Variants in ACAD9 observed in about 807,000 individuals in gnomAD.
The protein encoded by ACAD9 is complex I assembly factor ACAD9, mitochondrial.
In ACAD9, 53 loss-of-function variants were observed where a neutral mutation model predicts 70.2. The ratio of observed to expected loss-of-function variants is 0.75; its 90% CI spans 0.61 to 0.95. ACAD9 has a LOEUF of 0.95. Among genes scored for constraint, ACAD9 ranks in the 40% least tolerant of loss-of-function variants. The pLI, the probability that ACAD9 is intolerant of heterozygous loss-of-function variation, is 0.00. For missense variants in ACAD9, 777 were observed against 802.8 expected (o/e 0.97, Z 0.39); for synonymous variants, 313 against 312.1 (o/e 1.00, Z -0.03).
intron 17 of ACAD9, 98 bp from the exon 18 acceptor site, chr3:128,912,409 G>A (rs1936434045): frequency 9.6e-7 from 1 of 1,036,550 alleles, no homozygotes; most frequent in Middle Eastern, 2.0e-4. Context: ...GCTTCATGGT[G>A]GGTGGGCTGA....
At chr3:128,900,284 C>G (rs969564561) in intron 7 of ACAD9, among the ~76,000 whole-genome samples, 10 of 152,250 alleles carry the variant, frequency 6.6e-5, no homozygotes, top group Admixed American at 6.5e-4. Flanking sequence ...GTCGCCCAGG[C>G]TGGAGTGCAG....
chr3:128,901,682 C>T (rs747300920), intron 8 of ACAD9, among the ~76,000 whole-genome samples: 15 of 152,208 alleles, frequency 9.9e-5, no homozygotes, highest in Non-Finnish European at 1.6e-4. Context: ...TGGTCTGCAT[C>T]GCTGCCCTAC....
At position 128,911,691 on chromosome 3, in the gene ACAD9, C is replaced by T. The variant is rs540945298; in HGVS notation, c.1766-816C>T. Among the ~76,000 whole-genome samples, 53 of 152,350 alleles carry T rather than the reference C, an allele frequency of 3.5e-4. No individual in the cohort carries two copies. In the South Asian group the frequency reaches 0.011, roughly 32 times the overall value. ...CCCTGACCTCAGGTGATCCGCCCAC[C>T]TTGGCCTCCCAAAGTGCTGGGATTA... On this transcript the variant is annotated intron_variant, in intron 17 of 17. Transcript: ENST00000308982.
intron 12 of ACAD9, among the ~76,000 whole-genome samples, chr3:128,906,600 G>A (rs1935899102): frequency 6.6e-6 from 1 of 152,208 alleles, no homozygotes; most frequent in Non-Finnish European, 1.5e-5. Flanking sequence ...GTTTTGTGAA[G>A]CATGCGCTCC....
rs1316628221 is a variant in ACAD9, at chr3:128,895,316, T to C, written c.353T>C (p.Leu118Pro). ...GLQVPEEYGGLGFSNTMYSRL... is the reference protein window; with the variant it reads ...GLQVPEEYGGPGFSNTMYSRL... ...GCTGGTCCATCTCTCCTAGGTGGCC[T>C]GGGCTTCTCCAACACCATGTACTCA... The change falls in exon 4 of 18, where the codon CTG becomes CCG. Residue 118 changes from leucine (L) to proline (P), a missense_variant. Leu to Pro is a moderately conservative substitution (Grantham distance 98, BLOSUM62 -3). Transcript: ENST00000308982. 2 of 1,611,416 alleles carry C rather than the reference T, an allele frequency of 1.2e-6. No homozygotes were observed. The highest frequency in any genetic ancestry group is 1.7e-6 in the Non-Finnish European group (2 of 1,178,902).
At position 128,902,771 on chromosome 3, in the gene ACAD9, T is replaced by G; in HGVS notation, c.958+143T>G. On this transcript the variant is annotated intron_variant, in intron 9 of 17. Coordinates refer to ENST00000308982, the MANE Select transcript of ACAD9 (RefSeq NM_014049.5). This position sits in a 1 kb window ranked among gnomAD's most constrained non-coding sequence, Gnocchi z 4.0. ...CCTGAGCTCAGTCCCTGGGCTTTTGTGGAGACCAGAGGGTCTCCTCAGCCT... is the reference window on the plus strand; with the variant it reads ...CCTGAGCTCAGTCCCTGGGCTTTTGGGGAGACCAGAGGGTCTCCTCAGCCT... 5 of 943,508 alleles carry G rather than the reference T, an allele frequency of 5.3e-6. No individual in the cohort carries two copies. Among genetic ancestry groups the G allele is most frequent in the Non-Finnish European group, 8.4e-6 (5 of 597,760 alleles). 58.4% of individuals were successfully genotyped at this position (943,508 alleles called of 1,614,324 possible).
At chr3:128,910,634 G>A in intron 16 of ACAD9, 107 bp from the exon 17 acceptor site, 1 of 1,234,058 alleles carries the variant, frequency 8.1e-7, no homozygotes, top group Non-Finnish European at 1.2e-6. Context: ...GCCAGGCCTT[G>A]TGACCCCTGC....
At chr3:128,908,905 G>A (rs1936006028) in intron 13 of ACAD9, 68 bp from the exon 14 acceptor site, 2 of 1,612,702 alleles carry the variant, frequency 1.2e-6, no homozygotes, top group Non-Finnish European at 1.7e-6. Flanking sequence ...GTGCCGAATG[G>A]GCCATGTTGC....
intron 6 of ACAD9, among the ~76,000 whole-genome samples, chr3:128,898,118 A>G (rs767445556): frequency 3.3e-5 from 5 of 152,118 alleles, no homozygotes; most frequent in Non-Finnish European, 7.4e-5. Flanking sequence ...CGGCCTCCCA[A>G]AGTGCTGAGT....
At position 128,899,294 on chromosome 3, in the gene ACAD9, T is replaced by C; in HGVS notation, c.641T>C (p.Ile214Thr). The change falls in exon 7 of 18, where the codon ATT becomes ACT. Residue 214 changes from isoleucine (I) to threonine (T), a missense_variant. Transcript: ENST00000308982. ...CCATCTTTCTGTCCTCAGGTCTGGA[T>C]TACTAATGGAGGACTGGCCAATATT... ...HYILNGSKVW[I>T]TNGGLANIFT... 2 of 1,614,222 alleles carry C rather than the reference T, an allele frequency of 1.2e-6. No homozygotes were observed. The highest frequency in any genetic ancestry group is 3.3e-4 in the Middle Eastern group (2 of 6,062).
chr3:128,902,424 C>A lies in ACAD9; in HGVS notation c.883-129C>A. 1 of 839,216 alleles carries A rather than the reference C, an allele frequency of 1.2e-6. No homozygotes were observed. Among genetic ancestry groups the A allele is most frequent in the South Asian group, 1.4e-5 (1 of 73,144 alleles). The allele number at this position is 839,216 out of a possible 1,614,324, so 52.0% of individuals were successfully genotyped here. A position where few individuals can be genotyped will look rare whatever the true frequency, so the allele number is the denominator to read the frequency against. On this transcript the variant is annotated intron_variant, in intron 8 of 17. Coordinates refer to ENST00000308982, the MANE Select transcript of ACAD9 (RefSeq NM_014049.5). This position sits in a 1 kb window ranked among gnomAD's most constrained non-coding sequence, Gnocchi z 4.0. ...GCAACAGTGACTGAACCACCTTGTT[C>A]TGAGGCATTAGGATGGTGCTTTCTC...
chr3:128,900,321 T>C (rs988103105), intron 7 of ACAD9, among the ~76,000 whole-genome samples: 2 of 152,172 alleles, frequency 1.3e-5, no homozygotes, highest in African/African-American at 4.8e-5. Flanking sequence ...CACTGCAAGC[T>C]CCGCCTCCCG....
chr3:128,909,828 A>C, intron 15 of ACAD9, 193 bp from the exon 16 acceptor site: 93 of 735,460 alleles, frequency 1.3e-4, no homozygotes, highest in Non-Finnish European at 1.9e-4. Context: ...CCCTGAATCT[A>C]GAGCTCAAAG....
intron 2 of ACAD9, among the ~76,000 whole-genome samples, chr3:128,890,483 A>G (rs979831380): frequency 2.6e-5 from 4 of 151,930 alleles, no homozygotes; most frequent in African/African-American, 7.2e-5. Flanking sequence ...TGGGCGGATC[A>G]TGAGGTCAGG....
chr3:128,910,089 G>A lies in ACAD9; in HGVS notation c.1632G>A (p.Thr544=), dbSNP rs766088075. The change falls in exon 16 of 18, where the codon ACG becomes ACA. Residue 544 remains threonine, a synonymous_variant. Coordinates refer to ENST00000308982, the MANE Select transcript of ACAD9 (RefSeq NM_014049.5). Reference sequence around the variant, plus strand: ...TCCTCATCAACCTGTATGGCATGACGGCCGTGCTGTCGCGGGCCAGCCGCT... The same window carrying A: ...TCCTCATCAACCTGTATGGCATGACAGCCGTGCTGTCGCGGGCCAGCCGCT... The part of the protein sequence containing the change: ...ANILINLYGM[T]AVLSRASRSI... 32 of 1,613,790 alleles carry A rather than the reference G, an allele frequency of 2.0e-5. No individual in the cohort carries two copies. The East Asian group carries it at 2.2e-4, about 11-fold the overall frequency.
At position 128,897,582 on chromosome 3, in the gene ACAD9, C is replaced by T. The variant is rs548375780; in HGVS notation, c.555-50C>T. On this transcript the variant is annotated intron_variant, in intron 5 of 17. Coordinates refer to ENST00000308982, the MANE Select transcript of ACAD9 (RefSeq NM_014049.5). Reference sequence around the variant, plus strand: ...CCATTTTCAGGCCCTCAAAAGCATTCATATTTATTCCCAGTATTCTCCCTT... The same window carrying T: ...CCATTTTCAGGCCCTCAAAAGCATTTATATTTATTCCCAGTATTCTCCCTT... 4 of 1,555,570 alleles carry T rather than the reference C, an allele frequency of 2.6e-6. No homozygotes were observed. In the Admixed American group the frequency reaches 5.4e-5, roughly 21 times the overall value.
chr3:128,908,277 G>A lies in ACAD9; in HGVS notation c.1358+13G>A, dbSNP rs1472932326. The A allele has an allele frequency of 1.9e-6, 3 of 1,613,966 alleles. No individual in the cohort carries two copies. Among genetic ancestry groups the A allele is most frequent in the Non-Finnish European group, 2.5e-6 (3 of 1,180,028 alleles). ...CTACCAGGATCCAGTAGGTGCCATT[G>A]TCACCGTGTGCTTCTCAGGTCCCAT... On this transcript the variant is annotated intron_variant, in intron 13 of 17. Coordinates refer to ENST00000308982, the MANE Select transcript of ACAD9 (RefSeq NM_014049.5).
intron 12 of ACAD9, 85 bp from the exon 13 acceptor site, chr3:128,908,100 G>A: frequency 3.1e-6 from 4 of 1,307,374 alleles, no homozygotes; most frequent in Non-Finnish European, 4.4e-6. Flanking sequence ...CAAGCAGGCA[G>A]TGGCCGGCTC....
At position 128,898,560 on chromosome 3, in the gene ACAD9, A is replaced by G. The variant is rs1381763522; in HGVS notation, c.634-727A>G. ...AGCTGGGAGTACAGGCACACAGCTA[A>G]CTCTTTGTATTTTTTTTTTGGTAGA... On this transcript the variant is annotated intron_variant, in intron 6 of 17. Transcript: ENST00000308982. 1.2e-5 allele frequency: 4 copies of G among 342,570 alleles called. No individual in the cohort carries two copies. The East Asian group carries it at 3.9e-4, about 34-fold the overall frequency. The allele number at this position is 342,570 out of a possible 1,614,324, so 21.2% of individuals were successfully genotyped here.
Sources: allele counts gnomAD v4.1 joint callset (sites outside exome capture counted in the v4.1 genomes callset), GRCh38; gene constraint gnomAD v4.1.1; non-coding constraint Gnocchi (gnomAD v3.1); transcripts MANE v1.5; gene names NCBI Gene and HGNC (gene_info 2026-07-23, HGNC 2026-07-21).